The following DUX4 variants were observed in gnomAD, a reference collection of about 807,000 sequenced individuals.
DUX4 encodes double homeobox 4, also known as double homeobox protein 4.
chr4:190,175,304 C>CTT lies in DUX4; in HGVS notation c.*236+20_*236+21insTT, dbSNP rs1742222911. 1.3e-5 allele frequency: 1 copy of CTT among 79,270 alleles called. No individual in the cohort carries two copies. The highest frequency in any genetic ancestry group is 3.8e-4 in the East Asian group (1 of 2,644). The allele number at this position is 79,270 out of a possible 1,614,324, so 4.9% of individuals were successfully genotyped here. A position where few individuals can be genotyped will look rare whatever the true frequency, so the allele number is the denominator to read the frequency against. On this transcript the variant is annotated intron_variant, in intron 1 of 1. Transcript: ENST00000565211. ...CAGCAGGTGGGCCGCCTACTGCGCA[C>CTT]GCGCGGGTTTGCGGGCAGCCGCCTG...
downstream of DUX4, among the ~76,000 whole-genome samples, chr4:190,178,252 CCTGGGTG>C (rs1742413123): frequency 2.5e-5 from 3 of 118,998 alleles, no homozygotes; most frequent in East Asian, 2.6e-4. Context: ...AGTTGCATCA[CCTGGGTG>C]ATCAGTGTAG....
chr4:190,180,075 G>T (rs1308655665), downstream of DUX4, among the ~76,000 whole-genome samples: 12 of 1,602 alleles, frequency 7.5e-3, no homozygotes, highest in African/African-American at 9.4e-3. Context: ...GCGAATCCAA[G>T]ACAAGAGTCA....
intron 1 of DUX4, chr4:190,182,264 G>A (rs1484074966): frequency 1.2e-5 from 1 of 86,256 alleles, no homozygotes; most frequent in East Asian, 5.4e-4. Context: ...ATTAGGTTTA[G>A]GGTTAGGGTT....
At chr4:190,180,042 G>A (rs1742527169), downstream of DUX4, among the ~76,000 whole-genome samples, 5 of 133,436 alleles carry the variant, frequency 3.7e-5, no homozygotes, top group Non-Finnish European at 6.2e-5. Flanking sequence ...TCAGTGCAGA[G>A]ATATGTCACA....
At chr4:190,176,737 G>A (rs1481243407), downstream of DUX4, among the ~76,000 whole-genome samples, 1 of 105,268 alleles carries the variant, frequency 9.5e-6, no homozygotes, top group African/African-American at 2.8e-5. Context: ...TAAGACAAGC[G>A]TCCATCACCT....
downstream of DUX4, among the ~76,000 whole-genome samples, chr4:190,178,671 A>ATCAGTGCAGAGATATG (rs1742441342): frequency 6.6e-6 from 1 of 152,070 alleles, no homozygotes; most frequent in Non-Finnish European, 1.5e-5. Flanking sequence ...CACCTAAGTG[A>ATCAGTGCAGAGATATG]TCAGTGCAGA....
downstream of DUX4, among the ~76,000 whole-genome samples, chr4:190,180,010 TA>T (rs1742525335): frequency 2.9e-4 from 26 of 90,392 alleles, no homozygotes; most frequent in Admixed American, 1.7e-3. Flanking sequence ...GAGCTTAAAC[TA>T]GAGTTACATC....
chr4:190,181,307 T>TCC (rs1742563543), intron 1 of DUX4, among the ~76,000 whole-genome samples: 1 of 18,942 alleles, frequency 5.3e-5, no homozygotes, highest in Non-Finnish European at 1.0e-4. Flanking sequence ...AGGCAGAGCC[T>TCC]AAAGAAGAGT....
At chr4:190,176,768 T>C (rs1742320569), downstream of DUX4, among the ~76,000 whole-genome samples, 3 of 120,904 alleles carry the variant, frequency 2.5e-5, 1 homozygote. Context: ...TGCAGAGATA[T>C]GTACCAGTGT....
chr4:190,178,149 C>T (rs1742406378), downstream of DUX4, among the ~76,000 whole-genome samples: 3 of 111,150 alleles, frequency 2.7e-5, no homozygotes, highest in South Asian at 6.0e-4. Flanking sequence ...TCACAACGCC[C>T]TCTGTAGGCA....
chr4:190,181,206 G>C (rs1742552004), intron 1 of DUX4, among the ~76,000 whole-genome samples: 8 of 151,676 alleles, frequency 5.3e-5, no homozygotes, highest in African/African-American at 1.7e-4. Flanking sequence ...GATCAGTGCA[G>C]AGATATGTCA....
At chr4:190,183,746 ATACT>A (rs1282175880) in intron 1 of DUX4, among the ~76,000 whole-genome samples, 1 of 115,204 alleles carries the variant, frequency 8.7e-6, no homozygotes, top group Non-Finnish European at 2.1e-5. Context: ...TAAACTCCAA[ATACT>A]TATGAATGGC....
At chr4:190,184,149 T>A (rs1470680088) in intron 1 of DUX4, among the ~76,000 whole-genome samples, 1 of 124,182 alleles carries the variant, frequency 8.1e-6, no homozygotes, top group Non-Finnish European at 1.9e-5. Context: ...CATGAGAATG[T>A]TAGGAAGGCA....
downstream of DUX4, among the ~76,000 whole-genome samples, chr4:190,177,398 C>A (rs1742364616): frequency 3.1e-3 from 210 of 68,096 alleles, no homozygotes; most frequent in Admixed American, 4.5e-3. Context: ...TCACAAAGCC[C>A]CTGTAGGTCG....
downstream of DUX4, among the ~76,000 whole-genome samples, chr4:190,178,093 G>A (rs1742404405): frequency 4.6e-3 from 6 of 1,312 alleles, no homozygotes; most frequent in African/African-American, 0.024. Flanking sequence ...TGTAGGCAGA[G>A]CCTAGACAAG....
downstream of DUX4, among the ~76,000 whole-genome samples, chr4:190,177,939 T>A (rs1742395828): frequency 6.6e-6 from 1 of 151,702 alleles, no homozygotes; most frequent in African/African-American, 2.4e-5. Flanking sequence ...TATGTCACAA[T>A]GTCTCCAGTA....
chr4:190,175,197 A>T lies in DUX4; in HGVS notation c.*149A>T. On this transcript the variant is annotated 3_prime_UTR_variant, in exon 1 of 2. Transcript: ENST00000565211. ...CCTGGGATTCCTGCCTTCTAGGTCT[A>T]GGCCCGGTGAGAGACTCCACTCCGC... 3 of 163,658 alleles carry T rather than the reference A, an allele frequency of 1.8e-5. No individual in the cohort carries two copies. The highest frequency in any genetic ancestry group is 9.5e-5 in the South Asian group (1 of 10,576). 10.1% of individuals were successfully genotyped at this position (163,658 alleles called of 1,614,324 possible). A position where few individuals can be genotyped will look rare whatever the true frequency, so the allele number is the denominator to read the frequency against.
At chr4:190,180,053 T>TGTATGCAGATCCTCTGTCACAA (rs1742528048), downstream of DUX4, among the ~76,000 whole-genome samples, 1 of 6,720 alleles carries the variant, frequency 1.5e-4, no homozygotes, top group African/African-American at 6.6e-4. Flanking sequence ...ATATGTCACA[T>TGTATGCAGATCCTCTGTCACAA]TGCCCCCATA....
downstream of DUX4, among the ~76,000 whole-genome samples, chr4:190,177,078 G>T (rs1742340588): frequency 3.2e-3 from 468 of 144,364 alleles, no homozygotes; most frequent in Middle Eastern, 0.024. Flanking sequence ...GTATAGAGAA[G>T]AGTCCCATCA....
Sources: gnomAD v4.1 joint callset for allele counts (sites outside exome capture counted in the v4.1 genomes callset) on GRCh38, gnomAD v4.1.1 for gene constraint, MANE v1.5 for transcripts, NCBI Gene and HGNC (gene_info 2026-07-23, HGNC 2026-07-21) for gene names.